Variants in NKAIN2 observed in about 807,000 individuals in gnomAD.
NKAIN2 encodes the protein sodium/potassium-transporting ATPase subunit beta-1-interacting protein 2.
NKAIN2 carries 14 observed loss-of-function variants against 32.6 expected under a neutral mutation model. The ratio of observed to expected loss-of-function variants is 0.43; its 90% CI spans 0.28 to 0.67. The LOEUF (loss-of-function observed/expected upper bound fraction) is 0.67, where lower values mean the gene tolerates loss of function less well. Ranked by LOEUF, NKAIN2 falls within the 30% of genes least tolerant of loss-of-function variation. The pLI is 0.17. For missense variants in NKAIN2, 198 were observed against 258.3 expected, an observed-to-expected ratio of 0.77 and a Z score of 1.60; for synonymous variants, 80 against 87.2, an observed-to-expected ratio of 0.92 and a Z score of 0.46.
chr6:124,006,104 C>G (rs556837863), intron 1 of NKAIN2, among the ~76,000 whole-genome samples: 1 of 152,124 alleles, frequency 6.6e-6, no homozygotes, highest in Admixed American at 6.6e-5. Context: ...CCATAAAAGC[C>G]TCACCGTGTT....
chr6:124,784,366 G>A (rs1012956391), intron 4 of NKAIN2, among the ~76,000 whole-genome samples: 7 of 151,902 alleles, frequency 4.6e-5, no homozygotes, highest in African/African-American at 1.5e-4. Flanking sequence ...GCCTTTTTAC[G>A]GCCACATTCA....
intron 3 of NKAIN2, among the ~76,000 whole-genome samples, chr6:124,444,212 G>A (rs1775801349): frequency 6.6e-6 from 1 of 151,980 alleles, no homozygotes; most frequent in African/African-American, 2.4e-5. Context: ...GAATGTACTA[G>A]AATTTGGATT....
chr6:124,255,709 A>C (rs1333938446), intron 1 of NKAIN2, among the ~76,000 whole-genome samples: 1 of 152,240 alleles, frequency 6.6e-6, no homozygotes, highest in Non-Finnish European at 1.5e-5. Context: ...TGTGTTGCTC[A>C]TTGATGCACA....
chr6:124,594,625 T>C (rs1275739771), intron 3 of NKAIN2, among the ~76,000 whole-genome samples: 1 of 152,090 alleles, frequency 6.6e-6, no homozygotes, highest in African/African-American at 2.4e-5. Context: ...TGAGACCTCT[T>C]TTTCCAAAGT....
intron 2 of NKAIN2, among the ~76,000 whole-genome samples, chr6:124,318,363 G>A (rs1159034644): frequency 1.3e-5 from 2 of 151,512 alleles, no homozygotes; most frequent in East Asian, 3.9e-4. Flanking sequence ...ATGTCTGTTG[G>A]TGACATTTAC....
At chr6:124,103,953 G>A (rs1170479996) in intron 1 of NKAIN2, among the ~76,000 whole-genome samples, 2 of 152,102 alleles carry the variant, frequency 1.3e-5, no homozygotes, top group East Asian at 3.9e-4. Context: ...TAGGCATGGT[G>A]GCAGGAGCCT....
At chr6:124,455,362 A>G (rs1356486811) in intron 3 of NKAIN2, among the ~76,000 whole-genome samples, 1 of 152,044 alleles carries the variant, frequency 6.6e-6, no homozygotes, top group African/African-American at 2.4e-5. Context: ...CTCCTAAAAC[A>G]AAGGTACTAC....
At chr6:124,321,032 G>A (rs1367028268) in intron 2 of NKAIN2, among the ~76,000 whole-genome samples, 1 of 152,144 alleles carries the variant, frequency 6.6e-6, no homozygotes, top group Non-Finnish European at 1.5e-5. Flanking sequence ...AAAGGCTGTA[G>A]CACCTACCAC....
chr6:124,636,615 C>T (rs1256479924), intron 3 of NKAIN2, among the ~76,000 whole-genome samples: 1 of 151,704 alleles, frequency 6.6e-6, no homozygotes, highest in Non-Finnish European at 1.5e-5. Context: ...AGGAGACAGA[C>T]TATTATGAAA....
At chr6:124,094,620 C>T (rs899999001) in intron 1 of NKAIN2, among the ~76,000 whole-genome samples, 2 of 152,130 alleles carry the variant, frequency 1.3e-5, no homozygotes, top group Non-Finnish European at 2.9e-5. Flanking sequence ...CTTGTTTCCA[C>T]TCACATAGTT....
intron 3 of NKAIN2, among the ~76,000 whole-genome samples, chr6:124,546,657 CA>C (rs1780104722): frequency 6.6e-6 from 1 of 151,942 alleles, no homozygotes; most frequent in Non-Finnish European, 1.5e-5. Flanking sequence ...AAAGGTACAT[CA>C]AAAGTAGATA....
chr6:124,527,959 G>T (rs1779381671), intron 3 of NKAIN2, among the ~76,000 whole-genome samples: 1 of 152,198 alleles, frequency 6.6e-6, no homozygotes, highest in Non-Finnish European at 1.5e-5. Context: ...AAGGCAGAGA[G>T]TGGCAAATAA....
intron 3 of NKAIN2, among the ~76,000 whole-genome samples, chr6:124,439,445 C>T (rs1775599612): frequency 6.6e-6 from 1 of 151,650 alleles, no homozygotes; most frequent in Admixed American, 6.6e-5. Flanking sequence ...CATCTCTTAT[C>T]CTTATTTCTT....
At chr6:124,473,216 C>A (rs1347554371) in intron 3 of NKAIN2, among the ~76,000 whole-genome samples, 1 of 152,186 alleles carries the variant, frequency 6.6e-6, no homozygotes, top group Non-Finnish European at 1.5e-5. Context: ...TTCTAAAACA[C>A]TTACATTGGA....
chr6:124,689,824 C>T (rs1332475427), intron 4 of NKAIN2, among the ~76,000 whole-genome samples: 2 of 152,044 alleles, frequency 1.3e-5, no homozygotes, highest in Non-Finnish European at 2.9e-5. Flanking sequence ...ATCTACTTAT[C>T]TAATCTTTCA....
At chr6:123,839,064 G>A (rs1409631440) in intron 1 of NKAIN2, among the ~76,000 whole-genome samples, 2 of 152,182 alleles carry the variant, frequency 1.3e-5, no homozygotes, top group Non-Finnish European at 2.9e-5. Context: ...CTCAAGAACA[G>A]AGGGCAGCAG....
intron 3 of NKAIN2, among the ~76,000 whole-genome samples, chr6:124,408,714 T>C (rs1267963851): frequency 3.7e-5 from 4 of 107,824 alleles, no homozygotes; most frequent in African/African-American, 1.1e-4. Context: ...TTTAAAGTAG[T>C]TTTTTCCAAT....
At chr6:124,776,097 T>G (rs1253024909) in intron 4 of NKAIN2, among the ~76,000 whole-genome samples, 1 of 152,152 alleles carries the variant, frequency 6.6e-6, no homozygotes. Context: ...AATTGCAGTT[T>G]GGATTGGAGG....
At chr6:124,429,074 G>T (rs74597822) in intron 3 of NKAIN2, among the ~76,000 whole-genome samples, 1 of 151,990 alleles carries the variant, frequency 6.6e-6, no homozygotes, top group East Asian at 1.9e-4. Context: ...AATTTCACTC[G>T]TTACCCAGGC....
Sources: allele counts gnomAD v4.1 joint callset (sites outside exome capture counted in the v4.1 genomes callset), GRCh38; gene constraint gnomAD v4.1.1; transcripts MANE v1.5; gene names NCBI Gene and HGNC (gene_info 2026-07-23, HGNC 2026-07-21).